BAK1: variants seen among roughly 807,000 people sequenced by gnomAD.
BAK1 encodes BCL2 antagonist/killer 1, also known as bcl-2 homologous antagonist/killer.
BAK1 carries 19 observed loss-of-function variants against 24.7 expected under a neutral mutation model. The observed-to-expected ratio is 0.77, with a 90% confidence interval of 0.54 to 1.13. The LOEUF (loss-of-function observed/expected upper bound fraction) is 1.13. Ranked by LOEUF, BAK1 falls within the 50% of genes most tolerant of loss-of-function variation. The pLI is 0.00. For missense variants in BAK1, 194 were observed against 279.4 expected, an observed-to-expected ratio of 0.69 and a Z score of 2.18; for synonymous variants, 86 against 107.3, an observed-to-expected ratio of 0.80 and a Z score of 1.23.
chr6:33,579,809 C>G (rs1056336277), intron 1 of BAK1, among the ~76,000 whole-genome samples: 2 of 152,240 alleles, frequency 1.3e-5, no homozygotes, highest in African/African-American at 2.4e-5. Context: ...CCAGTTCTTA[C>G]AGTTCTCCGG....
intron 4 of BAK1, among the ~76,000 whole-genome samples, chr6:33,574,803 G>A (rs1648266004): frequency 6.6e-6 from 1 of 152,220 alleles, no homozygotes; most frequent in African/African-American, 2.4e-5. Flanking sequence ...AGGAGACTAA[G>A]GGCTAGGAAG....
chr6:33,573,971 G>T, intron 5 of BAK1, 63 bp downstream of exon 5: 1 of 1,613,100 alleles, frequency 6.2e-7, no homozygotes, highest in Non-Finnish European at 8.5e-7. Context: ...CGAGGAAGGG[G>T]TGGGGCCTGG....
intron 4 of BAK1, 161 bp from the exon 5 acceptor site, chr6:33,574,375 G>T: frequency 6.9e-7 from 1 of 1,438,964 alleles, no homozygotes. Flanking sequence ...GGAACAACCT[G>T]GGTCTCTGCG....
rs1762889757 is a variant in BAK1 at position 33,578,870 on chromosome 6, C to T, written c.-32+1155G>A. 6.6e-6 allele frequency among the ~76,000 whole-genome samples: 1 copy of T among 152,154 alleles called. No individual in the cohort carries two copies. The highest frequency in any genetic ancestry group is 1.5e-5 in the Non-Finnish European group (1 of 68,018). Reference sequence around the variant, plus strand: ...GTGCAGCCCCACCCTGGGCCAAGCACACAGCCCCACCCCCACCGCCCAGGG... The same window carrying T: ...GTGCAGCCCCACCCTGGGCCAAGCATACAGCCCCACCCCCACCGCCCAGGG... On this transcript the variant is annotated intron_variant, in intron 1 of 5. Coordinates refer to ENST00000374467, the MANE Select transcript of BAK1 (RefSeq NM_001188.4). The surrounding 1 kb of genome is among the most constrained non-coding windows in gnomAD (Gnocchi z 4.8).
Position 33,577,757 on chromosome 6 carries a change from G to A in BAK1, c.-31-122C>T, listed in dbSNP as rs1380365972. ...TCCCCCATTCCCAGAAAGGCCCTTA[G>A]TCCTCTGGGACTTTGGCCAGGCCGG... On this transcript the variant is annotated intron_variant, in intron 1 of 5. Coordinates refer to ENST00000374467, the MANE Select transcript of BAK1 (RefSeq NM_001188.4). The surrounding 1 kb of genome is among the most constrained non-coding windows in gnomAD (Gnocchi z 4.6). 8 of 660,160 alleles carry A rather than the reference G, an allele frequency of 1.2e-5. No homozygotes were observed. The highest frequency in any genetic ancestry group is 1.9e-5 in the African/African-American group (1 of 53,972). 40.9% of individuals were successfully genotyped at this position (660,160 alleles called of 1,614,324 possible).
rs773586210 is a variant in BAK1, at chr6:33,574,060, G to A, written c.505C>T (p.Arg169Trp). 2.4e-5 allele frequency: 39 copies of A among 1,614,050 alleles called. No homozygotes were observed. Among genetic ancestry groups the A allele is most frequent in the Non-Finnish European group, 2.7e-5 (32 of 1,180,024 alleles). The change falls in exon 5 of 6, where the codon CGG (arginine) becomes TGG (tryptophan). Residue 169 changes from arginine to tryptophan, a missense_variant. Transcript: ENST00000374467. ...VDFMLHHCIA[R>W]WIAQRGGWVA... The stretch of plus-strand genomic sequence containing the variant: ...CAGCCACCCCTCTGTGCAATCCACC[G>A]GGCAATGCAGTGATGCAGCATGAAG...
chr6:33,576,457 C>T (rs372139963), intron 2 of BAK1, among the ~76,000 whole-genome samples: 85 of 151,936 alleles, frequency 5.6e-4, no homozygotes, highest in Middle Eastern at 3.4e-3. Context: ...GGTGAAACCC[C>T]GTCTCTACTA....
rs775106891 is a variant in BAK1, at chr6:33,575,460, T to G, written c.207-19A>C. ...CATGGTGCTGTAGGAGCAGGAGGCA[T>G]GCAGGTGAGCCAGTAACCAGGCAGT... On this transcript the variant is annotated intron_variant, in intron 3 of 5. Coordinates refer to ENST00000374467, the MANE Select transcript of BAK1 (RefSeq NM_001188.4). This position sits in a 1 kb window ranked among gnomAD's most constrained non-coding sequence, Gnocchi z 6.3. 7.4e-6 allele frequency: 12 copies of G among 1,612,626 alleles called. No individual in the cohort carries two copies. The highest frequency in any genetic ancestry group is 1.3e-5 in the African/African-American group (1 of 74,854).
rs545420069 is a variant in BAK1 at position 33,576,576 on chromosome 6, T to TG, written c.71-649dup. Among the ~76,000 whole-genome samples, 855 of 149,638 alleles carry TG rather than the reference T, an allele frequency of 5.7e-3. 7 individuals are homozygous for TG. The highest frequency in any genetic ancestry group is 0.02 in the African/African-American group (789 of 40,452). ...TGAACCCGGGAGTTGGAGCTTGCAG[T>TG]GAGCCTAGATCACGCCACTGCACTC... On this transcript the variant is annotated intron_variant, in intron 2 of 5. Coordinates refer to ENST00000374467, the MANE Select transcript of BAK1 (RefSeq NM_001188.4).
Position 33,574,128 on chromosome 6 carries a change from C to A in BAK1, c.437G>T (p.Gly146Val), listed in dbSNP as rs772027781. ...CACCTGGCCTAGGAAGCCAGTCAGG[C>A]CATGCTGGTAGACGTGTAGGGCCAG... ...YRLALHVYQH[G>V]LTGFLGQVTR... The change falls in exon 5 of 6, where the codon GGC (glycine) becomes GTC (valine). Residue 146 changes from glycine to valine, a missense_variant. Physicochemically the swap from Gly to Val is moderately radical, Grantham distance 109 (BLOSUM62 -3). Coordinates refer to ENST00000374467, the MANE Select transcript of BAK1 (RefSeq NM_001188.4). 1 of 1,614,190 alleles carries A rather than the reference C, an allele frequency of 6.2e-7. No individual in the cohort carries two copies. The highest frequency in any genetic ancestry group is 8.5e-7 in the Non-Finnish European group (1 of 1,180,026).
rs5745586 is a variant in BAK1 at position 33,577,365 on chromosome 6, G to A, written c.70+170C>T. On this transcript the variant is annotated intron_variant, in intron 2 of 5. Transcript: ENST00000374467. This position sits in a 1 kb window ranked among gnomAD's most constrained non-coding sequence, Gnocchi z 4.6. ...CCCAGTCCAGACTCCTCCCCCTCCTGGGCTTAACCTTGACAGCAGCTCCAG... is the reference window on the plus strand; with the variant it reads ...CCCAGTCCAGACTCCTCCCCCTCCTAGGCTTAACCTTGACAGCAGCTCCAG... 4.3e-3 allele frequency among the ~76,000 whole-genome samples: 652 copies of A among 152,202 alleles called. 5 individuals carry two copies. The highest frequency in any genetic ancestry group is 0.015 in the African/African-American group (608 of 41,528).
rs1455179032 is a variant in BAK1, at chr6:33,577,626, C to T, written c.-22G>A. On this transcript the variant is annotated 5_prime_UTR_variant, in exon 2 of 6. Coordinates refer to ENST00000374467, the MANE Select transcript of BAK1 (RefSeq NM_001188.4). This position sits in a 1 kb window ranked among gnomAD's most constrained non-coding sequence, Gnocchi z 4.6. ...CCATTTTTCAGGTCTCAGTGGAGGACGGGATCAGCCTGCGGGGAAGGGCGA... is the reference window on the plus strand; with the variant it reads ...CCATTTTTCAGGTCTCAGTGGAGGATGGGATCAGCCTGCGGGGAAGGGCGA... The T allele has an allele frequency of 3.4e-5, 52 of 1,541,430 alleles. No homozygotes were observed. Among genetic ancestry groups the T allele is most frequent in the Non-Finnish European group, 4.0e-5 (46 of 1,139,926 alleles).
intron 1 of BAK1, among the ~76,000 whole-genome samples, chr6:33,579,753 A>C (rs1456372906): frequency 6.6e-6 from 1 of 152,098 alleles, no homozygotes; most frequent in Non-Finnish European, 1.5e-5. Flanking sequence ...TCTGCCCTTG[A>C]CCTTGGCTCT....
At chr6:33,576,588 A>C (rs986115530) in intron 2 of BAK1, among the ~76,000 whole-genome samples, 1 of 149,486 alleles carries the variant, frequency 6.7e-6, no homozygotes, top group African/African-American at 2.5e-5. Context: ...AGCCTAGATC[A>C]CGCCACTGCA....
chr6:33,576,344 A>AAAT (rs1307870272), intron 2 of BAK1, among the ~76,000 whole-genome samples: 1 of 150,754 alleles, frequency 6.6e-6, no homozygotes, highest in African/African-American at 2.5e-5. Context: ...AAAAAAAAAA[A>AAAT]AAATGGCCGG....
chr6:33,573,961 C>A (rs995503884), intron 5 of BAK1, 54 bp from the exon 6 acceptor site: 1 of 1,613,424 alleles, frequency 6.2e-7, no homozygotes, highest in South Asian at 1.1e-5. Context: ...TATAGGAACC[C>A]GAGGAAGGGG....
Position 33,578,315 on chromosome 6 carries a change from T to C in BAK1, c.-31-680A>G, listed in dbSNP as rs1762879242. Among the ~76,000 whole-genome samples the C allele has an allele frequency of 6.6e-6, 1 of 152,188 alleles. No individual in the cohort carries two copies. Among genetic ancestry groups the C allele is most frequent in the Non-Finnish European group, 1.5e-5 (1 of 68,022 alleles). On this transcript the variant is annotated intron_variant, in intron 1 of 5. Transcript: ENST00000374467. The surrounding 1 kb of genome is among the most constrained non-coding windows in gnomAD (Gnocchi z 4.8). ...GGGTGGTGAACACTGGAAACTCACATGAACCCAGCAGGGTGAGCGCCATCA... is the reference window on the plus strand; with the variant it reads ...GGGTGGTGAACACTGGAAACTCACACGAACCCAGCAGGGTGAGCGCCATCA...
chr6:33,580,255 C>T lies in BAK1; in HGVS notation c.-262G>A, dbSNP rs1004729700. ...AGCGGCACCCGGCTCCAATCAGCTC[C>T]CTCTAGAGGAAGTTGCTCTGTGGCC... is the stretch of plus-strand genomic sequence containing the variant. On this transcript the variant is annotated 5_prime_UTR_variant, in exon 1 of 6. Transcript: ENST00000374467. 2 of 152,530 alleles carry T rather than the reference C, an allele frequency of 1.3e-5. No individual in the cohort carries two copies. The highest frequency in any genetic ancestry group is 3.8e-4 in the East Asian group (2 of 5,298). 9.4% of individuals were successfully genotyped at this position (152,530 alleles called of 1,614,324 possible). A position where few individuals can be genotyped will look rare whatever the true frequency, so the allele number is the denominator to read the frequency against.
chr6:33,574,943 A>G (rs1762818834), intron 4 of BAK1, among the ~76,000 whole-genome samples: 1 of 152,164 alleles, frequency 6.6e-6, no homozygotes, highest in Non-Finnish European at 1.5e-5. Context: ...CACCCTCACC[A>G]TCTTCAGTGT....
Sources: gnomAD v4.1 joint callset for allele counts (sites outside exome capture counted in the v4.1 genomes callset) on GRCh38, gnomAD v4.1.1 for gene constraint, Gnocchi (gnomAD v3.1) non-coding constraint, MANE v1.5 for transcripts, NCBI Gene and HGNC (gene_info 2026-07-23, HGNC 2026-07-21) for gene names.